The following KDM4B variants were observed in gnomAD, a reference collection of about 807,000 sequenced individuals.
KDM4B encodes lysine demethylase 4B.
Under a neutral mutation model 125.2 loss-of-function variants are expected in KDM4B, and 32 were observed. The ratio of observed to expected loss-of-function variants is 0.26; its 90% confidence interval spans 0.19 to 0.34. The LOEUF (loss-of-function observed/expected upper bound fraction) is 0.34, where lower values mean the gene tolerates loss of function less well. Among genes scored for constraint, KDM4B ranks in the 10% least tolerant of loss-of-function variants. The pLI is 1.00. For missense variants in KDM4B, 1,190 were observed against 1,577.7 expected (o/e 0.75, Z 4.16); for synonymous variants, 721 against 677.9 (o/e 1.06, Z -0.99).
chr19:5,049,352 T>A (rs2037146199), intron 6 of KDM4B, among the ~76,000 whole-genome samples: 1 of 151,800 alleles, frequency 6.6e-6, no homozygotes, highest in Non-Finnish European at 1.5e-5. Flanking sequence ...TGTCTACCCT[T>A]CCCCATGACC....
At chr19:5,071,273 T>C (rs1413173248) in intron 7 of KDM4B, among the ~76,000 whole-genome samples, 1 of 152,256 alleles carries the variant, frequency 6.6e-6, no homozygotes, top group East Asian at 1.9e-4. Context: ...AGTTTGTCTC[T>C]TGTGAAATTC....
intron 11 of KDM4B, among the ~76,000 whole-genome samples, chr19:5,128,860 C>G (rs35212716): frequency 8.0e-4 from 56 of 70,416 alleles, no homozygotes; most frequent in East Asian, 1.2e-3. Context: ...AGGCGGGGGG[C>G]GGGGGGGGGG....
At chr19:5,028,165 T>TG (rs1434344893) in intron 2 of KDM4B, among the ~76,000 whole-genome samples, 1 of 151,972 alleles carries the variant, frequency 6.6e-6, no homozygotes, top group African/African-American at 2.4e-5. Context: ...TTAGTAGAGA[T>TG]GGGGTCTCCC....
chr19:5,008,431 ATTTTT>A (rs2035626318), intron 1 of KDM4B, among the ~76,000 whole-genome samples: 2 of 151,956 alleles, frequency 1.3e-5, no homozygotes, highest in African/African-American at 2.4e-5. Flanking sequence ...ACCGTGAATT[ATTTTT>A]TGTCTAGTCT....
chr19:5,037,675 T>C (rs1692678641), intron 3 of KDM4B, among the ~76,000 whole-genome samples: 1 of 152,238 alleles, frequency 6.6e-6, no homozygotes, highest in Admixed American at 6.5e-5. Context: ...CATCGTTCTC[T>C]GGGGTGGCGC....
chr19:5,040,713 G>C (rs1353115924), intron 4 of KDM4B, among the ~76,000 whole-genome samples: 1 of 152,174 alleles, frequency 6.6e-6, no homozygotes, highest in Non-Finnish European at 1.5e-5. Context: ...CCTCCACCCT[G>C]TTGCTCTCTG....
chr19:5,042,160 T>TG (rs1425211798), intron 5 of KDM4B, among the ~76,000 whole-genome samples: 2 of 152,226 alleles, frequency 1.3e-5, no homozygotes. Flanking sequence ...TGAGATATCT[T>TG]GGAGATGGGC....
At chr19:4,984,553 C>T (rs2034762809) in intron 1 of KDM4B, among the ~76,000 whole-genome samples, 1 of 152,122 alleles carries the variant, frequency 6.6e-6, no homozygotes, top group Admixed American at 6.6e-5. Flanking sequence ...CAGGACTCCG[C>T]GTCTCTCCTG....
At chr19:4,984,007 G>T (rs947172332) in intron 1 of KDM4B, among the ~76,000 whole-genome samples, 3 of 152,212 alleles carry the variant, frequency 2.0e-5, no homozygotes, top group Admixed American at 1.3e-4. Context: ...TCTCACCCCA[G>T]GGGCAATTCT....
chr19:5,042,227 C>T (rs949189995), intron 5 of KDM4B, among the ~76,000 whole-genome samples: 4 of 152,130 alleles, frequency 2.6e-5, no homozygotes, highest in Non-Finnish European at 5.9e-5. Context: ...TGAGGCTGGG[C>T]GTGGTGGCTG....
chr19:4,975,246 A>G (rs1280045174), intron 1 of KDM4B, among the ~76,000 whole-genome samples: 1 of 152,244 alleles, frequency 6.6e-6, no homozygotes, highest in East Asian at 1.9e-4. Context: ...CGTTGTAGCA[A>G]GAAAGCTCCC....
chr19:5,015,624 A>G (rs1168886541), intron 1 of KDM4B, among the ~76,000 whole-genome samples: 1 of 152,136 alleles, frequency 6.6e-6, no homozygotes, highest in Non-Finnish European at 1.5e-5. Flanking sequence ...CCAAGGCAGG[A>G]GGATCACTTG....
chr19:5,007,152 T>A (rs1278028963), intron 1 of KDM4B, among the ~76,000 whole-genome samples: 1 of 152,178 alleles, frequency 6.6e-6, no homozygotes, highest in African/African-American at 2.4e-5. Context: ...CATCTCCCAT[T>A]TGAGAGTTGG....
At chr19:5,085,145 A>G (rs1250546068) in intron 9 of KDM4B, among the ~76,000 whole-genome samples, 1 of 152,160 alleles carries the variant, frequency 6.6e-6, no homozygotes. Context: ...CCTTCAATCC[A>G]GTTTAGAAAA....
chr19:5,104,610 G>A lies in KDM4B; in HGVS notation c.919-6012G>A, dbSNP rs1224170319. ...CACAGGGATGCTCTGTCTTGGAAGG[G>A]GGTTTTGTCTGGGAACGCCACTTCC... On this transcript the variant is annotated intron_variant, in intron 9 of 22. Transcript: ENST00000159111. Among the ~76,000 whole-genome samples, 6 of 152,096 alleles carry A rather than the reference G, an allele frequency of 3.9e-5. No individual in the cohort carries two copies. In the East Asian group the frequency reaches 1.2e-3, roughly 29 times the overall value.
chr19:4,988,742 C>T (rs905431447), intron 1 of KDM4B, among the ~76,000 whole-genome samples: 11 of 152,180 alleles, frequency 7.2e-5, no homozygotes, highest in African/African-American at 1.9e-4. Context: ...GTGCTCTCCC[C>T]GGGCTGTGAC....
intron 1 of KDM4B, among the ~76,000 whole-genome samples, chr19:4,983,942 C>T (rs1006128248): frequency 1.3e-5 from 2 of 152,160 alleles, no homozygotes; most frequent in Admixed American, 6.5e-5. Flanking sequence ...GGTCCCGCTT[C>T]AAGGCTGGGT....
rs557897523 is a variant in KDM4B at position 5,017,049 on chromosome 19, G to A, written c.-26+710G>A. On this transcript the variant is annotated intron_variant, in intron 2 of 22. Coordinates refer to ENST00000159111, the MANE Select transcript of KDM4B (RefSeq NM_015015.3). ...TGGCAGCGGCGGCCGGCAGAGCACC[G>A]GGGAAAGGCTGCCTTGTGCGGCGTC... Among the ~76,000 whole-genome samples, 38 of 152,354 alleles carry A rather than the reference G, an allele frequency of 2.5e-4. No individual in the cohort carries two copies. In the South Asian group the frequency reaches 5.6e-3, roughly 22 times the overall value.
intron 9 of KDM4B, among the ~76,000 whole-genome samples, chr19:5,084,021 C>T (rs1021286511): frequency 3.3e-5 from 5 of 151,916 alleles, no homozygotes; most frequent in Admixed American, 6.6e-5. Flanking sequence ...CAGAGGTGGG[C>T]GGATCATTTG....
Sources: allele counts gnomAD v4.1 joint callset (sites outside exome capture counted in the v4.1 genomes callset), GRCh38; gene constraint gnomAD v4.1.1; transcripts MANE v1.5; gene names NCBI Gene and HGNC (gene_info 2026-07-23, HGNC 2026-07-21).